The following TMEM230 variants were observed in gnomAD, a reference collection of about 807,000 sequenced individuals.
The protein encoded by TMEM230 is transmembrane protein 230.
Under a neutral mutation model 15.8 loss-of-function variants are expected in TMEM230, and 10 were observed. The ratio of observed to expected loss-of-function variants is 0.63; its 90% confidence interval spans 0.39 to 1.07. The LOEUF (loss-of-function observed/expected upper bound fraction) is 1.07. Among genes scored for constraint, TMEM230 ranks in the 50% least tolerant of loss-of-function variants. TMEM230 has a pLI of 0.01. For missense variants in TMEM230, 165 were observed against 193.3 expected (o/e 0.85, Z 0.87); for synonymous variants, 67 against 76.9 (o/e 0.87, Z 0.68).
intron 3 of TMEM230, among the ~76,000 whole-genome samples, chr20:5,094,251 C>G (rs1360738525): frequency 6.6e-6 from 1 of 151,718 alleles, no homozygotes; most frequent in East Asian, 2.0e-4. Flanking sequence ...GCCACCGTAC[C>G]TGGCCTTTTT....
exon 4 of TMEM230, chr20:5,069,279 A>T: frequency 6.5e-7 from 1 of 1,535,964 alleles, no homozygotes. Flanking sequence ...GCCTCCCATC[A>T]TGTACCCACG....
intron 3 of TMEM230, among the ~76,000 whole-genome samples, chr20:5,085,792 AG>A (rs1453792362): frequency 6.6e-6 from 1 of 152,164 alleles, no homozygotes; most frequent in African/African-American, 2.4e-5. Flanking sequence ...CAGCTAGGGT[AG>A]GGGACGGGAG....
Position 5,100,880 on chromosome 20 carries a change from G to A in TMEM230, c.463C>T (p.Pro155Ser), listed in dbSNP as rs1358411143. Reference sequence around the variant, plus strand: ...GCGATGCGCAGGTGGTAAAATCCGGGTAGGAACACCAGAATGCCAATGATC... The same window carrying A: ...GCGATGCGCAGGTGGTAAAATCCGGATAGGAACACCAGAATGCCAATGATC... The change falls in exon 5 of 5, where the codon CCC becomes TCC. Residue 155 changes from proline to serine, a missense_variant. Coordinates refer to ENST00000342308, the MANE Select transcript of TMEM230 (RefSeq NM_001009923.2). 1 of 1,614,082 alleles carries A rather than the reference G, an allele frequency of 6.2e-7. No homozygotes were observed. Among genetic ancestry groups the A allele is most frequent in the African/African-American group, 1.3e-5 (1 of 74,916 alleles).
chr20:5,100,008 A>G lies in TMEM230; in HGVS notation c.*783T>C. 1.0e-6 allele frequency: 1 copy of G among 985,308 alleles called. No homozygotes were observed. The highest frequency in any genetic ancestry group is 1.2e-6 in the Non-Finnish European group (1 of 829,840). 61.0% of individuals were successfully genotyped at this position (985,308 alleles called of 1,614,324 possible). On this transcript the variant is annotated 3_prime_UTR_variant, in exon 5 of 5. Coordinates refer to ENST00000342308, the MANE Select transcript of TMEM230 (RefSeq NM_001009923.2). ...GATCCTTGGAATCATGAGCAGAATGATGACATACTACAAGGTGCTAGCAAT... is the reference window on the plus strand; with the variant it reads ...GATCCTTGGAATCATGAGCAGAATGGTGACATACTACAAGGTGCTAGCAAT...
downstream of TMEM230, among the ~76,000 whole-genome samples, chr20:5,066,608 G>T (rs2088656954): frequency 6.7e-6 from 1 of 150,160 alleles, no homozygotes; most frequent in Non-Finnish European, 1.5e-5. Flanking sequence ...GGGGGCAGAG[G>T]TTGCAGTGAG....
intron 3 of TMEM230, among the ~76,000 whole-genome samples, chr20:5,090,118 A>G (rs558867777): frequency 6.6e-6 from 1 of 152,332 alleles, no homozygotes; most frequent in East Asian, 1.9e-4. Flanking sequence ...AGAGACAAAA[A>G]TATGAAAAAT....
chr20:5,110,356 T>C (rs1396652789), intron 2 of TMEM230, among the ~76,000 whole-genome samples: 1 of 151,330 alleles, frequency 6.6e-6, no homozygotes, highest in Admixed American at 6.6e-5. Context: ...GCAATCTCCA[T>C]TCACTGCTGC....
chr20:5,104,660 T>C (rs1490998555), intron 4 of TMEM230, among the ~76,000 whole-genome samples: 7 of 152,314 alleles, frequency 4.6e-5, no homozygotes, highest in Non-Finnish European at 7.3e-5. Context: ...GAAAATATGG[T>C]ACATATATGC....
At chr20:5,076,173 A>C (rs1287982935) in intron 3 of TMEM230, among the ~76,000 whole-genome samples, 1 of 151,996 alleles carries the variant, frequency 6.6e-6, no homozygotes, top group Non-Finnish European at 1.5e-5. Context: ...GAAGTGTCCT[A>C]AGGGTACTTT....
intron 3 of TMEM230, among the ~76,000 whole-genome samples, chr20:5,085,480 G>A (rs954574283): frequency 1.1e-4 from 17 of 152,040 alleles, no homozygotes; most frequent in Admixed American, 1.1e-3. Flanking sequence ...GTAGAGACAG[G>A]GTTTCACCAT....
the TMEM230 span, among the ~76,000 whole-genome samples, chr20:5,060,003 C>T: frequency 2.0e-5 from 3 of 152,102 alleles, no homozygotes; most frequent in Non-Finnish European, 2.9e-5. Flanking sequence ...AACTCCTGAC[C>T]TGAGGTAATC....
intron 3 of TMEM230, among the ~76,000 whole-genome samples, chr20:5,093,521 A>G (rs2089571816): frequency 6.6e-6 from 1 of 150,652 alleles, no homozygotes; most frequent in Admixed American, 6.6e-5. Context: ...GGTTACAGGC[A>G]TGAGCCACTG....
At position 5,106,058 on chromosome 20, in the gene TMEM230, A is replaced by G. The variant is rs1600399178; in HGVS notation, c.411+130T>C. On this transcript the variant is annotated intron_variant, in intron 4 of 4. Coordinates refer to ENST00000342308, the MANE Select transcript of TMEM230 (RefSeq NM_001009923.2). Reference sequence around the variant, plus strand: ...AGAGCAAGACCCTGTCTCAAAAAAAACAGACCACTGGGACGGACAAACACA... The same window carrying G: ...AGAGCAAGACCCTGTCTCAAAAAAAGCAGACCACTGGGACGGACAAACACA... 5 of 1,397,758 alleles carry G rather than the reference A, an allele frequency of 3.6e-6. No homozygotes were observed. In the East Asian group the frequency reaches 7.5e-5, roughly 21 times the overall value. 86.6% of individuals were successfully genotyped at this position (1,397,758 alleles called of 1,614,324 possible). A position where few individuals can be genotyped will look rare whatever the true frequency, so the allele number is the denominator to read the frequency against.
rs749848145 is a variant in TMEM230 at position 5,109,311 on chromosome 20, T to G, written c.288+21A>C. The G allele has an allele frequency of 6.9e-6, 11 of 1,584,904 alleles. No individual in the cohort carries two copies. The Admixed American group carries it at 8.5e-5, about 12-fold the overall frequency. On this transcript the variant is annotated intron_variant, in intron 3 of 4. Coordinates refer to ENST00000342308, the MANE Select transcript of TMEM230 (RefSeq NM_001009923.2). ...ACAGAAACACAGCCAGTCAGTCTTG[T>G]CAGTTCTCTTCTGCATTTACCTGAA...
In TMEM230 at chr20:5,081,864, C is replaced by CTTTTT. The variant is rs770805896; in HGVS notation, c.223-12520_223-12516dup. Among the ~76,000 whole-genome samples the CTTTTT allele has an allele frequency of 1.3e-3, 183 of 140,324 alleles. 12 individuals carry two copies. Among genetic ancestry groups the CTTTTT allele is most frequent in the African/African-American group, 5.0e-3 (170 of 33,806 alleles). The allele number at this position is 140,324 out of a possible 152,430, so 92.1% of individuals were successfully genotyped here. On this transcript the variant is annotated intron_variant, in intron 3 of 3. Coordinates refer to the TMEM230 transcript ENST00000612323. ...CTCATGTTTGAAATTCACTGATTTT[C>CTTTTT]TTTTTTTTCTTTTTTTTTTTTTTTT...
chr20:5,059,849 G>T, the TMEM230 span, among the ~76,000 whole-genome samples: 58,211 of 145,052 alleles, frequency 0.4, 11,768 homozygotes, highest in African/African-American at 0.43. Context: ...GTGCAACCTC[G>T]GCTCGCTGCA....
chr20:5,062,437 A>G, the TMEM230 span, among the ~76,000 whole-genome samples: 1 of 151,948 alleles, frequency 6.6e-6, no homozygotes, highest in African/African-American at 2.4e-5. Context: ...CCCATGGTAA[A>G]GAAGTAAATT....
intron 1 of TMEM230, chr20:5,112,664 C>G (rs2090373935): frequency 3.7e-6 from 5 of 1,361,482 alleles, no homozygotes; most frequent in Middle Eastern, 2.5e-4. Context: ...CTGAATGTTA[C>G]GAGAGTTCTA....
At chr20:5,094,061 C>T (rs536394255) in intron 3 of TMEM230, among the ~76,000 whole-genome samples, 6 of 151,298 alleles carry the variant, frequency 4.0e-5, no homozygotes, top group East Asian at 2.0e-4. Context: ...CGGGTTCAAG[C>T]GATTCTCCTG....
Sources: gnomAD v4.1 joint callset for allele counts (sites outside exome capture counted in the v4.1 genomes callset) on GRCh38, gnomAD v4.1.1 for gene constraint, MANE v1.5 for transcripts, NCBI Gene and HGNC (gene_info 2026-07-23, HGNC 2026-07-21) for gene names.